GABRB2: variants seen among roughly 807,000 people sequenced by gnomAD.
The protein encoded by GABRB2 is gamma-aminobutyric acid receptor subunit beta-2.
A neutral mutation model predicts 54.7 loss-of-function variants in GABRB2; 16 were observed. The ratio of observed to expected loss-of-function variants is 0.29; its 90% CI spans 0.20 to 0.44. GABRB2 has a LOEUF of 0.44. GABRB2 is among the 20% of genes least tolerant of loss of function. GABRB2 has a pLI of 1.00. For synonymous variants in GABRB2, 244 were observed against 233.8 expected, an observed-to-expected ratio of 1.04 and a Z score of -0.40; for missense variants, 355 against 644.0, an observed-to-expected ratio of 0.55 and a Z score of 4.86.
chr5:161,516,250 T>A (rs1327184891), intron 3 of GABRB2, among the ~76,000 whole-genome samples: 1 of 152,188 alleles, frequency 6.6e-6, no homozygotes, highest in South Asian at 2.1e-4. Context: ...TTAGCTAATA[T>A]CAATTGGTTG....
chr5:161,476,540 C>G (rs566498818), intron 3 of GABRB2, among the ~76,000 whole-genome samples: 20 of 151,874 alleles, frequency 1.3e-4, no homozygotes, highest in African/African-American at 4.8e-4. Context: ...GACTTCAAAA[C>G]TTATTACTAA....
intron 4 of GABRB2, among the ~76,000 whole-genome samples, chr5:161,419,956 C>G (rs912274830): frequency 6.6e-6 from 1 of 151,902 alleles, no homozygotes; most frequent in Non-Finnish European, 1.5e-5. Context: ...ACCTCTGAAT[C>G]TATAAAAATA....
intron 5 of GABRB2, among the ~76,000 whole-genome samples, chr5:161,377,169 A>G (rs960558264): frequency 2.0e-5 from 3 of 152,236 alleles, no homozygotes; most frequent in East Asian, 1.9e-4. Flanking sequence ...TTTTAAAAAT[A>G]TATATGGGCA....
chr5:161,376,517 T>C (rs1755304018), intron 5 of GABRB2, among the ~76,000 whole-genome samples: 1 of 152,086 alleles, frequency 6.6e-6, no homozygotes, highest in Non-Finnish European at 1.5e-5. Context: ...AAAAAGATAT[T>C]CAAGAGATAT....
At chr5:161,305,001 A>ATTTTT (rs544511446) in intron 9 of GABRB2, among the ~76,000 whole-genome samples, 35 of 95,144 alleles carry the variant, frequency 3.7e-4, no homozygotes, top group Non-Finnish European at 6.1e-4. Context: ...TGATATATCA[A>ATTTTT]TTTTTTTTTT....
chr5:161,295,972 T>C (rs1014825391), intron 9 of GABRB2, among the ~76,000 whole-genome samples: 2 of 152,240 alleles, frequency 1.3e-5, no homozygotes, highest in African/African-American at 4.8e-5. Context: ...TTCCTTGACC[T>C]ACAGAAGGAA....
chr5:161,506,860 A>G (rs1180170971), intron 3 of GABRB2, among the ~76,000 whole-genome samples: 2 of 152,138 alleles, frequency 1.3e-5, no homozygotes, highest in Non-Finnish European at 2.9e-5. Flanking sequence ...TTGTAAACAA[A>G]TAATGTTGGA....
At chr5:161,353,788 T>C (rs1006451498) in intron 5 of GABRB2, among the ~76,000 whole-genome samples, 3 of 152,014 alleles carry the variant, frequency 2.0e-5, no homozygotes, top group Non-Finnish European at 4.4e-5. Context: ...TTCCTTAGGA[T>C]CCAACATTAA....
chr5:161,335,592 T>G (rs1023335695), intron 6 of GABRB2, among the ~76,000 whole-genome samples: 141 of 152,276 alleles, frequency 9.3e-4, no homozygotes, highest in African/African-American at 2.9e-3. Context: ...GAGCACAGTC[T>G]TAGACTATAG....
At chr5:161,477,405 T>C (rs899250142) in intron 3 of GABRB2, among the ~76,000 whole-genome samples, 1 of 151,548 alleles carries the variant, frequency 6.6e-6, no homozygotes, top group Non-Finnish European at 1.5e-5. Flanking sequence ...TGGCTGTTCC[T>C]AAAAACATAA....
In GABRB2 at chr5:161,486,740, C is replaced by A. The variant is rs141018596; in HGVS notation, c.238-26896G>T. ...ATTCAGTTCTATCCTCCTAAGTCTC[C>A]TCCTCCATGGCTGGAGATAATAAAT... On this transcript the variant is annotated intron_variant, in intron 3 of 9. Coordinates refer to ENST00000393959, the MANE Select transcript of GABRB2 (RefSeq NM_001371727.1). Among the ~76,000 whole-genome samples, 140 of 152,066 alleles carry A rather than the reference C, an allele frequency of 9.2e-4. 1 individual carries two copies. The highest frequency in any genetic ancestry group is 3.2e-3 in the African/African-American group (131 of 41,510).
At chr5:161,309,469 G>C (rs1320126961) in intron 9 of GABRB2, among the ~76,000 whole-genome samples, 1 of 152,038 alleles carries the variant, frequency 6.6e-6, no homozygotes, top group African/African-American at 2.4e-5. Context: ...GAGACCTAAA[G>C]ACAGAAATAT....
At chr5:161,543,014 GA>G (rs1311023626) in intron 3 of GABRB2, among the ~76,000 whole-genome samples, 1 of 152,176 alleles carries the variant, frequency 6.6e-6, no homozygotes, top group Non-Finnish European at 1.5e-5. Flanking sequence ...GTTGGAAGCT[GA>G]AAAAAATGTT....
rs566474121 is a variant in GABRB2, at chr5:161,292,876, A to T, written c.*1205T>A. 6.6e-5 allele frequency: 10 copies of T among 152,350 alleles called. No individual in the cohort carries two copies. The highest frequency in any genetic ancestry group is 2.4e-4 in the African/African-American group (10 of 41,590). 9.4% of individuals were successfully genotyped at this position (152,350 alleles called of 1,614,324 possible). On this transcript the variant is annotated 3_prime_UTR_variant, in exon 10 of 10. Coordinates refer to ENST00000393959, the MANE Select transcript of GABRB2 (RefSeq NM_001371727.1). ...AAAGCCTTACTTTGCCAGTCTCCTA[A>T]GAATATAATCAGAATTTTGGAAGCA... is the stretch of plus-strand genomic sequence containing the variant.
intron 3 of GABRB2, among the ~76,000 whole-genome samples, chr5:161,499,007 C>A (rs1307729818): frequency 6.6e-6 from 1 of 152,132 alleles, no homozygotes; most frequent in East Asian, 1.9e-4. Flanking sequence ...CGAATGTTTA[C>A]CCCCACATCC....
intron 3 of GABRB2, among the ~76,000 whole-genome samples, chr5:161,528,983 G>A (rs975569393): frequency 1.3e-5 from 2 of 151,810 alleles, no homozygotes; most frequent in African/African-American, 4.8e-5. Context: ...TAACATGTAT[G>A]ACATGAAGGG....
chr5:161,393,806 G>A (rs374630867), intron 5 of GABRB2, among the ~76,000 whole-genome samples: 14 of 151,998 alleles, frequency 9.2e-5, no homozygotes, highest in African/African-American at 3.4e-4. Flanking sequence ...AAACATAGTA[G>A]GAATTTTTAT....
At position 161,302,665 on chromosome 5, in the gene GABRB2, G is replaced by C. The variant is rs911528263; in HGVS notation, c.1192-8237C>G. 2.8e-4 allele frequency among the ~76,000 whole-genome samples: 43 copies of C among 152,164 alleles called. 2 individuals are homozygous for C. The highest frequency in any genetic ancestry group is 2.9e-5 in the Non-Finnish European group (2 of 68,032). ...CTTGTGTGTGGGTAGAGGAGATGGT[G>C]TTTTATCTTCCATGAAATGGCACTG... On this transcript the variant is annotated intron_variant, in intron 9 of 9. Coordinates refer to ENST00000393959, the MANE Select transcript of GABRB2 (RefSeq NM_001371727.1).
At chr5:161,332,772 A>T (rs1753889957) in intron 7 of GABRB2, among the ~76,000 whole-genome samples, 1 of 152,074 alleles carries the variant, frequency 6.6e-6, no homozygotes, top group Non-Finnish European at 1.5e-5. Context: ...CAGTTTTCTG[A>T]TTTAATTTTA....
Sources: gnomAD v4.1 joint callset for allele counts (sites outside exome capture counted in the v4.1 genomes callset) on GRCh38, gnomAD v4.1.1 for gene constraint, MANE v1.5 for transcripts, NCBI Gene and HGNC (gene_info 2026-07-23, HGNC 2026-07-21) for gene names.